The following CFH variants were observed in gnomAD, a reference collection of about 807,000 sequenced individuals.
CFH encodes H factor 1 (complement).
CFH carries 53 observed loss-of-function variants against 147.3 expected under a neutral mutation model. The observed-to-expected ratio is 0.36, with a 90% CI of 0.29 to 0.45. The LOEUF (loss-of-function observed/expected upper bound fraction) is 0.45, where lower values mean the gene tolerates loss of function less well. CFH is among the 20% of genes least tolerant of loss of function. The pLI is 1.00. For synonymous variants in CFH, 536 were observed against 489.4 expected (o/e 1.10, Z -1.26); for missense variants, 1,380 against 1,498.0 (o/e 0.92, Z 1.30).
Position 196,685,072 on chromosome 1 carries a change from T to C in CFH, c.799T>C (p.Cys267Arg), listed in dbSNP as rs752136176. 3 of 1,607,946 alleles carry C rather than the reference T, an allele frequency of 1.9e-6. No homozygotes were observed. The change falls in exon 7 of 22, where the codon TGT (cysteine) becomes CGT (arginine). Residue 267 changes from cysteine to arginine, a missense_variant. Cys to Arg is a radical substitution (Grantham distance 180). Around this residue, in one of 4 missense-constraint regions of CFH, gnomAD observed 167 missense variants for 228.0 expected, o/e 0.73. Transcript: ENST00000367429. ...RPLPSCEEKS[C>R]DNPYIPNGDY... The stretch of plus-strand genomic sequence containing the variant: ...ATCCTTTTTCTTTTCAGAAAAATCA[T>C]GTGATAATCCTTATATTCCAAATGG...
intron 1 of CFH, among the ~76,000 whole-genome samples, chr1:196,671,094 C>A (rs2149076225): frequency 6.6e-6 from 1 of 152,092 alleles, no homozygotes; most frequent in African/African-American, 2.4e-5. Flanking sequence ...TTCTTAAAAC[C>A]ATCTGACAAG....
At chr1:196,714,940 A>T (rs1668832468) in intron 10 of CFH, among the ~76,000 whole-genome samples, 1 of 151,308 alleles carries the variant, frequency 6.6e-6, no homozygotes, top group African/African-American at 2.4e-5. Context: ...ATCTCAAATG[A>T]TCCTCCTGCC....
intron 15 of CFH, 66 bp from the exon 16 acceptor site, chr1:196,736,758 C>A: frequency 2.5e-6 from 2 of 805,082 alleles, no homozygotes; most frequent in Non-Finnish European, 3.3e-6. Flanking sequence ...ATCAAAAATT[C>A]TAATTTTAAT....
intron 9 of CFH, among the ~76,000 whole-genome samples, chr1:196,704,074 T>C (rs1474938888): frequency 6.6e-6 from 1 of 151,208 alleles, no homozygotes; most frequent in African/African-American, 2.4e-5. Context: ...TTTTTTGTTG[T>C]TGTTTTGTTT....
intron 1 of CFH, among the ~76,000 whole-genome samples, chr1:196,653,078 A>G (rs1666559298): frequency 6.6e-6 from 1 of 151,832 alleles, no homozygotes; most frequent in South Asian, 2.1e-4. Flanking sequence ...AGTGACCATT[A>G]CATAGCCTCT....
At chr1:196,669,822 C>T (rs1175546720) in intron 1 of CFH, among the ~76,000 whole-genome samples, 1 of 152,170 alleles carries the variant, frequency 6.6e-6, no homozygotes, top group Non-Finnish European at 1.5e-5. Flanking sequence ...GCCACAGATC[C>T]TCCAGATCCC....
rs138456877 is a variant in CFH at position 196,739,110 on chromosome 1, C to T, written c.2782+1450C>T. ...AGCTGGAGCTGAAGCAGCTGGGATA[C>T]AGTCCTGAGGCTGCATAGAGCAGCA... On this transcript the variant is annotated intron_variant, in intron 17 of 21. Transcript: ENST00000367429. Among the ~76,000 whole-genome samples the T allele has an allele frequency of 7.7e-4, 117 of 152,326 alleles. 1 individual carries two copies. The East Asian group carries it at 0.021, about 27-fold the overall frequency.
intron 9 of CFH, among the ~76,000 whole-genome samples, chr1:196,696,355 T>A (rs145589161): frequency 6.6e-6 from 1 of 152,170 alleles, no homozygotes; most frequent in Non-Finnish European, 1.5e-5. Context: ...TGCTACTGAA[T>A]GACTACTGAG....
intron 9 of CFH, chr1:196,701,255 G>T: frequency 1.2e-6 from 2 of 1,610,778 alleles, no homozygotes; most frequent in Non-Finnish European, 1.7e-6. Context: ...TCCTGAAGGA[G>T]TTGCTAGTGG....
At chr1:196,684,327 T>G (rs1229442736) in intron 6 of CFH, among the ~76,000 whole-genome samples, 1 of 151,890 alleles carries the variant, frequency 6.6e-6, no homozygotes, top group Non-Finnish European at 1.5e-5. Context: ...ACGGAAAAGG[T>G]TTTCCAAACC....
intron 1 of CFH, among the ~76,000 whole-genome samples, chr1:196,670,740 G>A (rs1206639898): frequency 1.3e-5 from 2 of 152,080 alleles, no homozygotes; most frequent in South Asian, 2.1e-4. Flanking sequence ...TTAAGATTTT[G>A]CCTTTATCTT....
chr1:196,733,976 T>A (rs1669340699), intron 15 of CFH, among the ~76,000 whole-genome samples: 1 of 152,112 alleles, frequency 6.6e-6, no homozygotes. Flanking sequence ...TTCTGGAAGC[T>A]CTTCAGCACT....
chr1:196,731,171 A>G (rs1669272084), intron 15 of CFH, among the ~76,000 whole-genome samples: 1 of 151,362 alleles, frequency 6.6e-6, no homozygotes, highest in African/African-American at 2.4e-5. Flanking sequence ...TGCTTTATTC[A>G]TGGTTTGATG....
intron 1 of CFH, among the ~76,000 whole-genome samples, chr1:196,664,998 C>T (rs1393328454): frequency 6.6e-6 from 1 of 151,206 alleles, no homozygotes; most frequent in East Asian, 1.9e-4. Flanking sequence ...CCTAATTTTC[C>T]AGCAAAATTG....
intron 11 of CFH, 78 bp downstream of exon 11, chr1:196,715,847 T>A: frequency 8.2e-7 from 1 of 1,214,282 alleles, no homozygotes; most frequent in Non-Finnish European, 1.2e-6. Context: ...TTGAATTATA[T>A]AGAGGAATTG....
At chr1:196,663,166 T>TTA (rs1459510741) in intron 1 of CFH, among the ~76,000 whole-genome samples, 16 of 152,326 alleles carry the variant, frequency 1.1e-4, no homozygotes, top group African/African-American at 3.8e-4. Flanking sequence ...TTCTTGGATA[T>TTA]ATTAATTGGT....
chr1:196,700,753 C>G (rs1414383655), intron 9 of CFH: 6 of 918,520 alleles, frequency 6.5e-6, no homozygotes, highest in Non-Finnish European at 7.8e-6. Context: ...TGGGGCTGAC[C>G]CAGAGAGAAG....
chr1:196,658,840 G>A (rs1419667730), intron 1 of CFH, among the ~76,000 whole-genome samples: 1 of 152,092 alleles, frequency 6.6e-6, no homozygotes, highest in African/African-American at 2.4e-5. Context: ...AAAGTGCTGG[G>A]ATTATAAGCA....
intron 15 of CFH, among the ~76,000 whole-genome samples, chr1:196,728,729 ACACG>A (rs979954625): frequency 4.3e-5 from 6 of 138,796 alleles, no homozygotes; most frequent in African/African-American, 1.4e-4. Context: ...ACACACACAC[ACACG>A]CACACACACA....
Sources: allele counts gnomAD v4.1 joint callset (sites outside exome capture counted in the v4.1 genomes callset), GRCh38; gene constraint gnomAD v4.1.1; regional missense constraint gnomAD v4.1.1; transcripts MANE v1.5; gene names NCBI Gene and HGNC (gene_info 2026-07-23, HGNC 2026-07-21).